ASAP2: variants seen among roughly 807,000 people sequenced by gnomAD.
ASAP2 encodes arf-GAP with SH3 domain, ANK repeat and PH domain-containing protein 2.
ASAP2 carries 45 observed loss-of-function variants against 131.4 expected under a neutral mutation model. The observed-to-expected ratio is 0.34, with a 90% CI of 0.27 to 0.44. The LOEUF is 0.44. Among genes scored for constraint, ASAP2 ranks in the 20% least tolerant of loss-of-function variants. ASAP2 has a pLI of 1.00. For missense variants in ASAP2, 1,011 were observed against 1,297.0 expected, an observed-to-expected ratio of 0.78 and a Z score of 3.39; for synonymous variants, 510 against 503.0, an observed-to-expected ratio of 1.01 and a Z score of -0.19.
At chr2:9,395,124 C>T (rs553944871) in intron 24 of ASAP2, among the ~76,000 whole-genome samples, 18 of 152,288 alleles carry the variant, frequency 1.2e-4, no homozygotes, top group East Asian at 9.7e-4. Flanking sequence ...CAGACACAGT[C>T]GGGGCAGAGA....
chr2:9,284,718 C>T (rs6744570), intron 2 of ASAP2, among the ~76,000 whole-genome samples: 52,902 of 151,962 alleles, frequency 0.35, 9,505 homozygotes, highest in African/African-American at 0.41. Flanking sequence ...TGGGTGTGGG[C>T]GGGTAATAGG....
chr2:9,262,421 T>C (rs1665639534), intron 1 of ASAP2, among the ~76,000 whole-genome samples: 1 of 152,194 alleles, frequency 6.6e-6, no homozygotes, highest in Non-Finnish European at 1.5e-5. Context: ...GCTGACTGTA[T>C]GGCAGACACA....
At chr2:9,343,251 T>A (rs2148598621) in intron 9 of ASAP2, among the ~76,000 whole-genome samples, 1 of 152,280 alleles carries the variant, frequency 6.6e-6, no homozygotes, top group Non-Finnish European at 1.5e-5. Context: ...TTTCTCCCAT[T>A]ATGGAATGAA....
At chr2:9,310,516 T>G (rs938435783) in intron 3 of ASAP2, among the ~76,000 whole-genome samples, 1 of 152,192 alleles carries the variant, frequency 6.6e-6, no homozygotes, top group Non-Finnish European at 1.5e-5. Flanking sequence ...ATAGCTATGA[T>G]GTAAGAATCC....
chr2:9,372,132 G>A lies in ASAP2; in HGVS notation c.1557-2623G>A, dbSNP rs554605495. ...TTTCTCTCTATCCCTTTCCTGTGGA[G>A]GTCGCAGTAATGATTGTCCCACAGT... On this transcript the variant is annotated intron_variant, in intron 16 of 27. Transcript: ENST00000281419. Among the ~76,000 whole-genome samples the A allele has an allele frequency of 8.5e-5, 13 of 152,326 alleles. No individual in the cohort carries two copies. In the South Asian group the frequency reaches 1.2e-3, roughly 15 times the overall value.
rs1448082871 is a variant in ASAP2, at chr2:9,268,365, C to T, written c.127-10952C>T. On this transcript the variant is annotated intron_variant, in intron 1 of 27. Transcript: ENST00000281419. This position sits in a 1 kb window ranked among gnomAD's most constrained non-coding sequence, Gnocchi z 4.1. Reference sequence around the variant, plus strand: ...AATTTTTTAAGATAATACCAAAACACGCCCTTCTCATCTGTCCTTAGGCAC... The same window carrying T: ...AATTTTTTAAGATAATACCAAAACATGCCCTTCTCATCTGTCCTTAGGCAC... Among the ~76,000 whole-genome samples the T allele has an allele frequency of 2.0e-5, 3 of 152,160 alleles. No individual in the cohort carries two copies. Among genetic ancestry groups the T allele is most frequent in the Non-Finnish European group, 4.4e-5 (3 of 68,040 alleles).
At chr2:9,269,305 G>A (rs989359189) in intron 1 of ASAP2, among the ~76,000 whole-genome samples, 9 of 152,146 alleles carry the variant, frequency 5.9e-5, no homozygotes, top group African/African-American at 1.9e-4. Flanking sequence ...GGTTCAGTTG[G>A]TCTTTCCTGT....
intron 1 of ASAP2, among the ~76,000 whole-genome samples, chr2:9,263,315 C>T (rs963585748): frequency 2.0e-5 from 3 of 152,226 alleles, no homozygotes; most frequent in Non-Finnish European, 4.4e-5. Context: ...GGCCAGGCCC[C>T]CTTGTGCCAC....
At chr2:9,210,671 C>T (rs1661469745) in intron 1 of ASAP2, among the ~76,000 whole-genome samples, 1 of 151,992 alleles carries the variant, frequency 6.6e-6, no homozygotes, top group Non-Finnish European at 1.5e-5. Flanking sequence ...TCTCCTGCCT[C>T]AGCCTCCCGA....
At chr2:9,305,535 T>G (rs1196992894) in intron 3 of ASAP2, among the ~76,000 whole-genome samples, 3 of 136,494 alleles carry the variant, frequency 2.2e-5, no homozygotes, top group East Asian at 2.1e-4. Flanking sequence ...GGAGGGGCTG[T>G]AATAGTGGGG....
At position 9,282,170 on chromosome 2, in the gene ASAP2, A is replaced by G. The variant is rs139930676; in HGVS notation, c.199+2781A>G. ...TCATGTCCTTTTTGAGGCCCCGCAC[A>G]TAACAGCCTGGCATGTGACCTTGGA... is the stretch of plus-strand genomic sequence containing the variant. On this transcript the variant is annotated intron_variant, in intron 2 of 27. Coordinates refer to ENST00000281419, the MANE Select transcript of ASAP2 (RefSeq NM_003887.3). Among the ~76,000 whole-genome samples the G allele has an allele frequency of 9.8e-4, 149 of 152,314 alleles. 1 individual carries two copies. In the East Asian group the frequency reaches 0.025, roughly 26 times the overall value.
chr2:9,233,871 G>GA (rs1050820804), intron 1 of ASAP2, among the ~76,000 whole-genome samples: 1 of 152,154 alleles, frequency 6.6e-6, no homozygotes, highest in Non-Finnish European at 1.5e-5. Context: ...AGCACTTTGG[G>GA]AGGCTGGGGT....
At chr2:9,226,195 A>G (rs1244924006) in intron 1 of ASAP2, among the ~76,000 whole-genome samples, 2 of 152,214 alleles carry the variant, frequency 1.3e-5, no homozygotes, top group African/African-American at 2.4e-5. Flanking sequence ...CCAGAAATCA[A>G]CATTATAATA....
chr2:9,378,008 A>C lies in ASAP2; in HGVS notation c.1833-936A>C, dbSNP rs567666480. On this transcript the variant is annotated intron_variant, in intron 18 of 27. Transcript: ENST00000281419. ...TCCATGCACATTTTCAGGGGGCAGG[A>C]GAGGGAAGGTCCCAGTTTCTTTTTT... Among the ~76,000 whole-genome samples, 10 of 152,320 alleles carry C rather than the reference A, an allele frequency of 6.6e-5. No homozygotes were observed. In the East Asian group the frequency reaches 1.9e-3, roughly 29 times the overall value.
rs575881462 is a variant in ASAP2, at chr2:9,292,847, G to C, written c.200-4453G>C. Among the ~76,000 whole-genome samples, 21 of 152,324 alleles carry C rather than the reference G, an allele frequency of 1.4e-4. No homozygotes were observed. In the South Asian group the frequency reaches 4.4e-3, roughly 32 times the overall value. ...CATCCCTGTTGCCGGGCTGGAAATA[G>C]TAAGTTTTATGTTTGAGATGAAAAA... On this transcript the variant is annotated intron_variant, in intron 2 of 27. Transcript: ENST00000281419.
At chr2:9,273,615 G>T (rs1213337713) in intron 1 of ASAP2, among the ~76,000 whole-genome samples, 1 of 152,136 alleles carries the variant, frequency 6.6e-6, no homozygotes, top group Non-Finnish European at 1.5e-5. Context: ...TAATTTGGTG[G>T]GTCAGGGCCA....
intron 9 of ASAP2, among the ~76,000 whole-genome samples, chr2:9,342,586 C>A (rs1671661767): frequency 6.6e-6 from 1 of 152,202 alleles, no homozygotes; most frequent in Non-Finnish European, 1.5e-5. Flanking sequence ...TCTTCATGAC[C>A]TTGGATTAGG....
At chr2:9,213,377 C>A (rs1373373075) in intron 1 of ASAP2, among the ~76,000 whole-genome samples, 1 of 152,170 alleles carries the variant, frequency 6.6e-6, no homozygotes, top group African/African-American at 2.4e-5. Context: ...TGGGCAGTGC[C>A]AGGTCACAGA....
intron 7 of ASAP2, among the ~76,000 whole-genome samples, chr2:9,334,272 C>T (rs1257885044): frequency 6.7e-6 from 1 of 148,230 alleles, no homozygotes. Flanking sequence ...TGGTCTGGAA[C>T]TCCTGGTCTC....
Sources: gnomAD v4.1 joint callset for allele counts (sites outside exome capture counted in the v4.1 genomes callset) on GRCh38, gnomAD v4.1.1 for gene constraint, Gnocchi (gnomAD v3.1) non-coding constraint, MANE v1.5 for transcripts, NCBI Gene and HGNC (gene_info 2026-07-23, HGNC 2026-07-21) for gene names.